TLN2: variants seen among roughly 807,000 people sequenced by gnomAD.
TLN2 encodes talin 2.
In TLN2, 118 loss-of-function variants were observed where a neutral mutation model predicts 294.7. The observed-to-expected ratio is 0.40, with a 90% CI of 0.34 to 0.47. TLN2 has a LOEUF of 0.47. TLN2 is among the 20% of genes least tolerant of loss of function. The pLI is 0.84. For missense variants in TLN2, 3,083 were observed against 3,282.2 expected (o/e 0.94, Z 1.48); for synonymous variants, 1,431 against 1,304.5 (o/e 1.10, Z -2.09).
intron 26 of TLN2, among the ~76,000 whole-genome samples, chr15:62,723,956 C>A (rs1446815491): frequency 6.6e-6 from 1 of 152,016 alleles, no homozygotes; most frequent in Non-Finnish European, 1.5e-5. Flanking sequence ...CAAGACCAGC[C>A]TGACCAACAT....
At chr15:62,468,243 G>A (rs2037253598) in intron 1 of TLN2, among the ~76,000 whole-genome samples, 1 of 152,142 alleles carries the variant, frequency 6.6e-6, no homozygotes, top group Non-Finnish European at 1.5e-5. Flanking sequence ...ACCTAAACTA[G>A]GAAATGAGCC....
At chr15:62,712,995 G>A (rs1296665938) in intron 22 of TLN2, among the ~76,000 whole-genome samples, 1 of 152,186 alleles carries the variant, frequency 6.6e-6, no homozygotes, top group African/African-American at 2.4e-5. Flanking sequence ...GGCCAGGCAC[G>A]GTGGCTCACA....
At chr15:62,458,604 G>GAAAA (rs55990249) in intron 1 of TLN2, among the ~76,000 whole-genome samples, 12,484 of 130,098 alleles carry the variant, frequency 0.096, 757 homozygotes, top group Non-Finnish European at 0.11. Context: ...CGTCTCTACA[G>GAAAA]AAAAAAAAAA....
intron 45 of TLN2, among the ~76,000 whole-genome samples, chr15:62,788,283 C>T (rs966728830): frequency 1.3e-5 from 2 of 152,020 alleles, no homozygotes. Flanking sequence ...TGTACTCCAG[C>T]CTAGACAAAA....
intron 19 of TLN2, among the ~76,000 whole-genome samples, chr15:62,705,778 G>A (rs1292425636): frequency 2.6e-5 from 4 of 152,198 alleles, no homozygotes; most frequent in Admixed American, 2.6e-4. Context: ...AAGTTGTGTG[G>A]TAGACAAGTG....
At position 62,717,506 on chromosome 15, in the gene TLN2, G is replaced by T. The variant is rs559885291; in HGVS notation, c.2764-70G>T. 3.5e-5 allele frequency: 38 copies of T among 1,095,216 alleles called. No homozygotes were observed. In the East Asian group the frequency reaches 1.1e-3, roughly 31 times the overall value. 67.8% of individuals were successfully genotyped at this position (1,095,216 alleles called of 1,614,324 possible). ...CACAAACCTGTCCTGACTCTGTGGTGGAAGTGACCTGTAGAACATGCATGT... is the reference window on the plus strand; with the variant it reads ...CACAAACCTGTCCTGACTCTGTGGTTGAAGTGACCTGTAGAACATGCATGT... On this transcript the variant is annotated intron_variant, in intron 23 of 58. Transcript: ENST00000636159.
chr15:62,588,034 C>T (rs1421026358), intron 1 of TLN2, among the ~76,000 whole-genome samples: 1 of 152,070 alleles, frequency 6.6e-6, no homozygotes, highest in African/African-American at 2.4e-5. Context: ...GCGCCCACCA[C>T]CACCCCTGGC....
At chr15:62,714,403 C>A (rs28695671) in intron 22 of TLN2, among the ~76,000 whole-genome samples, 12 of 151,702 alleles carry the variant, frequency 7.9e-5, no homozygotes, top group Non-Finnish European at 1.2e-4. Flanking sequence ...AGGGTTTCCC[C>A]GTGTTAGCCA....
intron 46 of TLN2, among the ~76,000 whole-genome samples, chr15:62,793,222 T>C (rs2141120421): frequency 6.6e-6 from 1 of 152,316 alleles, no homozygotes; most frequent in Non-Finnish European, 1.5e-5. Context: ...CCCTTTGGTG[T>C]AACCTCTAAT....
Position 62,708,616 on chromosome 15 carries a change from G to T in TLN2, c.2287G>T (p.Asp763Tyr), listed in dbSNP as rs755318500. Residue 763 changes from aspartate (D) to tyrosine (Y), a missense_variant, in exon 21 of 59, where the codon GAT becomes TAT. Coordinates refer to ENST00000636159, the MANE Select transcript of TLN2 (RefSeq NM_015059.3). ...CCGTGCCTGCCAGGCGGCCACTACC[G>T]ATAGTGAGCTCCTGAAGCAGGTCAG... ...CVRACQAATT[D>Y]SELLKQVSAA... 1.2e-6 allele frequency: 2 copies of T among 1,614,102 alleles called. No homozygotes were observed. The highest frequency in any genetic ancestry group is 1.1e-5 in the South Asian group (1 of 91,088).
At chr15:62,570,294 T>C (rs1215449986) in intron 1 of TLN2, among the ~76,000 whole-genome samples, 2 of 152,186 alleles carry the variant, frequency 1.3e-5, no homozygotes, top group African/African-American at 4.8e-5. Flanking sequence ...GCCTGTTGCT[T>C]TCTAGTTCAA....
In TLN2 at chr15:62,673,810, A is replaced by T; in HGVS notation, c.789-17A>T. ...AACATGATAAATGCCTTTCCTTTTT[A>T]AATGTCTCTCTCTTAGTCTGAAGGA... is the stretch of plus-strand genomic sequence containing the variant. On this transcript the variant is annotated splice_polypyrimidine_tract_variant and intron_variant, in intron 9 of 58. Coordinates refer to ENST00000636159, the MANE Select transcript of TLN2 (RefSeq NM_015059.3). The T allele has an allele frequency of 1.2e-6, 2 of 1,605,168 alleles. No homozygotes were observed. Among genetic ancestry groups the T allele is most frequent in the South Asian group, 1.1e-5 (1 of 89,994 alleles).
At chr15:62,607,377 T>G (rs934044404) in intron 2 of TLN2, among the ~76,000 whole-genome samples, 1 of 152,166 alleles carries the variant, frequency 6.6e-6, no homozygotes, top group African/African-American at 2.4e-5. Flanking sequence ...TCCATTTCCC[T>G]GATGGTTTTA....
chr15:62,708,597 C>G lies in TLN2; in HGVS notation c.2268C>G (p.Ala756=). 1 of 1,614,194 alleles carries G rather than the reference C, an allele frequency of 6.2e-7. No homozygotes were observed. Residue 756 remains alanine (A), a synonymous_variant, in exon 21 of 59, where the codon GCC becomes GCG. Transcript: ENST00000636159. ...GCTCGGTGGAGAACTGTGTCCGTGC[C>G]TGCCAGGCGGCCACTACCGATAGTG... The part of the protein sequence containing the change: ...VDRSVENCVR[A]CQAATTDSEL...
intron 2 of TLN2, among the ~76,000 whole-genome samples, chr15:62,614,391 A>C (rs1057333961): frequency 1.3e-5 from 2 of 152,208 alleles, no homozygotes; most frequent in Non-Finnish European, 2.9e-5. Context: ...TAATCACTGC[A>C]TTGACTTTAT....
At chr15:62,791,144 C>A (rs1015114917) in intron 45 of TLN2, among the ~76,000 whole-genome samples, 1 of 151,312 alleles carries the variant, frequency 6.6e-6, no homozygotes, top group African/African-American at 2.4e-5. Context: ...GTCAGGAGTT[C>A]GAGACCAGCC....
At chr15:62,653,112 T>A in intron 6 of TLN2, 50 bp from the exon 7 acceptor site, 1 of 1,441,328 alleles carries the variant, frequency 6.9e-7, no homozygotes, top group Non-Finnish European at 9.3e-7. Context: ...CTGGAAGAGG[T>A]TGACAGCAGT....
At chr15:62,465,951 C>T (rs2037111751) in intron 1 of TLN2, among the ~76,000 whole-genome samples, 1 of 152,204 alleles carries the variant, frequency 6.6e-6, no homozygotes, top group Non-Finnish European at 1.5e-5. Flanking sequence ...CCTTGTGTCT[C>T]ATTCCTGTGG....
At position 62,455,141 on chromosome 15, in the gene TLN2, G is replaced by A. The variant is rs562231119; in HGVS notation, c.-238+64456G>A. The stretch of plus-strand genomic sequence containing the variant: ...TGTATTCAATGGACTCCTCCTTTTT[G>A]AGGGTCTGTCGTGGGCAAAAGATTG... On this transcript the variant is annotated intron_variant, in intron 1 of 58. Coordinates refer to ENST00000636159, the MANE Select transcript of TLN2 (RefSeq NM_015059.3). Among the ~76,000 whole-genome samples, 4 of 152,166 alleles carry A rather than the reference G, an allele frequency of 2.6e-5. No individual in the cohort carries two copies. In the East Asian group the frequency reaches 7.8e-4, roughly 30 times the overall value.
Sources: allele counts gnomAD v4.1 joint callset (sites outside exome capture counted in the v4.1 genomes callset), GRCh38; gene constraint gnomAD v4.1.1; transcripts MANE v1.5; gene names NCBI Gene and HGNC (gene_info 2026-07-23, HGNC 2026-07-21).